The following ANGPTL5 variants were observed in gnomAD, a reference collection of about 807,000 sequenced individuals.
ANGPTL5 encodes the protein angiopoietin-related protein 5.
Under a neutral mutation model 39.4 loss-of-function variants are expected in ANGPTL5, and 34 were observed. The ratio of observed to expected loss-of-function variants is 0.86; its 90% CI spans 0.66 to 1.15. ANGPTL5 has a LOEUF of 1.15. ANGPTL5 is among the 50% of genes most tolerant of loss of function. ANGPTL5 has a pLI of 0.00. For synonymous variants in ANGPTL5, 146 were observed against 152.1 expected (o/e 0.96, Z 0.29); for missense variants, 467 against 457.5 (o/e 1.02, Z -0.19).
At chr11:101,901,349 T>C (rs1013528987) in intron 6 of ANGPTL5, among the ~76,000 whole-genome samples, 1 of 152,032 alleles carries the variant, frequency 6.6e-6, no homozygotes, top group African/African-American at 2.4e-5. Context: ...ATATTTCACG[T>C]GCTTGTCTTT....
intron 5 of ANGPTL5, among the ~76,000 whole-genome samples, chr11:101,904,131 A>G (rs943835430): frequency 2.6e-5 from 4 of 152,160 alleles, no homozygotes; most frequent in Admixed American, 1.3e-4. Context: ...AAATAATTTT[A>G]ATAACAAAAT....
intron 7 of ANGPTL5, among the ~76,000 whole-genome samples, chr11:101,899,474 T>C (rs990766685): frequency 2.0e-5 from 3 of 152,220 alleles, no homozygotes; most frequent in Non-Finnish European, 4.4e-5. Context: ...GAAGACCTGG[T>C]TAGTCAAAAC....
chr11:101,905,428 A>G (rs1005408228), intron 4 of ANGPTL5, among the ~76,000 whole-genome samples: 2 of 152,034 alleles, frequency 1.3e-5, no homozygotes, highest in Non-Finnish European at 2.9e-5. Context: ...TTTTTAAAAC[A>G]TTTATTCATC....
chr11:101,891,701 T>G (rs919732189), intron 8 of ANGPTL5, 103 bp from the exon 9 acceptor site: 1 of 1,141,492 alleles, frequency 8.8e-7, no homozygotes, highest in African/African-American at 1.5e-5. Context: ...GGAAATAGGG[T>G]TTAAATTATT....
chr11:101,903,462 T>G lies in ANGPTL5; in HGVS notation c.440-741A>C, dbSNP rs17097320. Among the ~76,000 whole-genome samples, 998 of 152,304 alleles carry G rather than the reference T, an allele frequency of 6.6e-3. 7 individuals are homozygous for G. The highest frequency in any genetic ancestry group is 0.023 in the African/African-American group (949 of 41,576). The stretch of plus-strand genomic sequence containing the variant: ...AGCGTCCATTATCCAAATGCCCATC[T>G]TAACATCCTAGTTCTACTCCTAACA... On this transcript the variant is annotated intron_variant, in intron 5 of 8. Transcript: ENST00000334289.
intron 1 of ANGPTL5, chr11:101,915,371 C>T (rs1338757762): frequency 6.2e-7 from 1 of 1,613,938 alleles, no homozygotes; most frequent in Admixed American, 1.7e-5. Context: ...CCCCCCTCGG[C>T]CCTCGGGAGA....
chr11:101,912,642 C>T (rs901505833), intron 1 of ANGPTL5, among the ~76,000 whole-genome samples: 1 of 151,952 alleles, frequency 6.6e-6, no homozygotes, highest in Non-Finnish European at 1.5e-5. Flanking sequence ...TGGTTGTTAC[C>T]GTAAAACAAT....
intron 3 of ANGPTL5, among the ~76,000 whole-genome samples, chr11:101,906,420 G>A (rs1004352): frequency 0.33 from 49,837 of 151,944 alleles, 8,912 homozygotes; most frequent in East Asian, 0.46. Context: ...TATCTTAAGA[G>A]AAAATTTCTT....
chr11:101,909,239 A>G (rs529530483), intron 1 of ANGPTL5, among the ~76,000 whole-genome samples: 1 of 152,316 alleles, frequency 6.6e-6, no homozygotes, highest in South Asian at 2.1e-4. Context: ...CCAAACAATC[A>G]TATCTCTTAT....
At position 101,891,301 on chromosome 11, in the gene ANGPTL5, A is replaced by G. The variant is rs147151032; in HGVS notation, c.1145T>C (p.Met382Thr). The G allele has an allele frequency of 1.2e-6, 2 of 1,612,158 alleles. No homozygotes were observed. Among genetic ancestry groups the G allele is most frequent in the Non-Finnish European group, 1.7e-6 (2 of 1,178,238 alleles). Residue 382 changes from methionine to threonine, a missense_variant, in exon 9 of 9, where the codon ATG becomes ACG. Physicochemically the swap from Met to Thr is moderately conservative, Grantham distance 81. Coordinates refer to ENST00000334289, the MANE Select transcript of ANGPTL5 (RefSeq NM_178127.5). The stretch of plus-strand genomic sequence containing the variant: ...AGATTATTTAAAATATGGATTGTAC[A>G]TTCTTCTAATTTTCATTGAAACAGA... ...IKSVSMKIRR[M>T]YNPYFK is the part of the protein sequence containing the mutation.
At chr11:101,910,891 G>T (rs2137066672) in intron 1 of ANGPTL5, among the ~76,000 whole-genome samples, 1 of 152,038 alleles carries the variant, frequency 6.6e-6, no homozygotes, top group East Asian at 1.9e-4. Context: ...CAACTAGAGG[G>T]TCTCTTTAAA....
At chr11:101,911,741 C>G (rs566637925) in intron 1 of ANGPTL5, among the ~76,000 whole-genome samples, 1 of 152,258 alleles carries the variant, frequency 6.6e-6, no homozygotes, top group African/African-American at 2.4e-5. Flanking sequence ...AACCTCTTTT[C>G]TTTATAAATT....
chr11:101,915,075 C>A (rs1007511092), intron 1 of ANGPTL5: 6 of 608,638 alleles, frequency 9.9e-6, no homozygotes, highest in Non-Finnish European at 1.6e-5. Context: ...TATTGCCCGG[C>A]GAGGTCGCCG....
chr11:101,910,416 A>T (rs1455546436), intron 1 of ANGPTL5, among the ~76,000 whole-genome samples: 1 of 100,084 alleles, frequency 1.0e-5, no homozygotes, highest in Admixed American at 1.0e-4. Context: ...GTCTCAAAAA[A>T]AAAAAAAAAT....
At chr11:101,895,646 T>C (rs1249849987) in intron 7 of ANGPTL5, among the ~76,000 whole-genome samples, 1 of 152,194 alleles carries the variant, frequency 6.6e-6, no homozygotes, top group African/African-American at 2.4e-5. Flanking sequence ...TGTAATAACA[T>C]TGGAATATCC....
chr11:101,891,983 C>G (rs1939705777), intron 8 of ANGPTL5, among the ~76,000 whole-genome samples: 1 of 152,132 alleles, frequency 6.6e-6, no homozygotes, highest in Admixed American at 6.6e-5. Flanking sequence ...TTACCACTAC[C>G]ATTTATGTCA....
intron 5 of ANGPTL5, among the ~76,000 whole-genome samples, chr11:101,903,895 T>TC (rs34149471): frequency 0.5 from 75,850 of 151,852 alleles, 19,267 homozygotes; most frequent in East Asian, 0.78. Context: ...TTTTTTTATT[T>TC]CCTTGTGATA....
At chr11:101,909,617 T>C (rs1173521213) in intron 1 of ANGPTL5, among the ~76,000 whole-genome samples, 2 of 152,202 alleles carry the variant, frequency 1.3e-5, no homozygotes, top group Non-Finnish European at 2.9e-5. Context: ...TAAAATTCTT[T>C]GTTCTTTCAC....
chr11:101,905,616 T>G, intron 4 of ANGPTL5, 128 bp downstream of exon 4: 2 of 678,288 alleles, frequency 2.9e-6, no homozygotes, highest in Non-Finnish European at 5.1e-6. Context: ...TTTACTATGG[T>G]GCCTCTAACA....
Sources: gnomAD v4.1 joint callset for allele counts (sites outside exome capture counted in the v4.1 genomes callset) on GRCh38, gnomAD v4.1.1 for gene constraint, MANE v1.5 for transcripts, NCBI Gene and HGNC (gene_info 2026-07-23, HGNC 2026-07-21) for gene names.